The following TTLL5 variants were observed in gnomAD, a reference collection of about 807,000 sequenced individuals.
The protein encoded by TTLL5 is tubulin polyglutamylase TTLL5.
Under a neutral mutation model 168.4 loss-of-function variants are expected in TTLL5, and 132 were observed. That is an observed-to-expected ratio of 0.78 (90% CI 0.68 to 0.91). The LOEUF (loss-of-function observed/expected upper bound fraction) is 0.91, where lower values mean the gene tolerates loss of function less well. Ranked by LOEUF, TTLL5 falls within the 40% of genes least tolerant of loss-of-function variation. The pLI, the probability that TTLL5 is intolerant of heterozygous loss-of-function variation, is 0.00. For missense variants in TTLL5, 1,545 were observed against 1,581.5 expected (o/e 0.98, Z 0.39); for synonymous variants, 546 against 558.6 (o/e 0.98, Z 0.32).
rs1293262190 is a variant in TTLL5 at position 75,668,054 on chromosome 14, C to T, written c.75-1362C>T. Among the ~76,000 whole-genome samples, 4 of 151,974 alleles carry T rather than the reference C, an allele frequency of 2.6e-5. No individual in the cohort carries two copies. The East Asian group carries it at 5.8e-4, about 22-fold the overall frequency. On this transcript the variant is annotated intron_variant, in intron 2 of 31. Transcript: ENST00000298832. ...GATTACAGGCGTGAGCCACCGTGTC[C>T]GGCCCGAGTGTGGATCTTTTTAAAG...
intron 30 of TTLL5, among the ~76,000 whole-genome samples, chr14:75,897,039 A>G (rs527999506): frequency 6.6e-6 from 1 of 152,346 alleles, no homozygotes; most frequent in African/African-American, 2.4e-5. Context: ...TAATATCCCT[A>G]TAAGATGAAA....
intron 18 of TTLL5, 111 bp downstream of exon 18, chr14:75,753,066 G>A: frequency 1.9e-6 from 2 of 1,025,838 alleles, no homozygotes; most frequent in Admixed American, 4.7e-5. Context: ...ATCTCTGCTA[G>A]AAAAAAAAGT....
chr14:75,743,086 T>A (rs1889372345), intron 15 of TTLL5, among the ~76,000 whole-genome samples: 1 of 152,216 alleles, frequency 6.6e-6, no homozygotes, highest in Non-Finnish European at 1.5e-5. Context: ...CTTGATTGAC[T>A]TCATGCCAAG....
At position 75,812,131 on chromosome 14, in the gene TTLL5, G is replaced by A. The variant is rs115118321; in HGVS notation, c.3172-7876G>A. 7.4e-3 allele frequency among the ~76,000 whole-genome samples: 1,127 copies of A among 152,240 alleles called. 17 individuals carry two copies. Among genetic ancestry groups the A allele is most frequent in the African/African-American group, 0.026 (1,063 of 41,544 alleles). On this transcript the variant is annotated intron_variant, in intron 27 of 31. Transcript: ENST00000298832. ...AGTGATTTGGTACTAAAGGAAAAACGCACTGAGGTCACCGTGGCAATGGAC... is the reference window on the plus strand; with the variant it reads ...AGTGATTTGGTACTAAAGGAAAAACACACTGAGGTCACCGTGGCAATGGAC...
chr14:75,816,974 A>ATTTTTTTTTTTTTTTTTTTTTTTTTTT (rs35736530), intron 27 of TTLL5, among the ~76,000 whole-genome samples: 3 of 96,086 alleles, frequency 3.1e-5, no homozygotes, highest in African/African-American at 4.2e-5. Flanking sequence ...TCCCTGTCTT[A>ATTTTTTTTTTTTTTTTTTTTTTTTTTT]TTTTTTTTTT....
At chr14:75,750,358 T>C (rs1363678882) in intron 17 of TTLL5, among the ~76,000 whole-genome samples, 2 of 151,716 alleles carry the variant, frequency 1.3e-5, no homozygotes, top group Non-Finnish European at 2.9e-5. Flanking sequence ...CAAGAGCCCC[T>C]GTGGATGCCT....
At chr14:75,828,174 A>G (rs1895338715) in intron 28 of TTLL5, among the ~76,000 whole-genome samples, 1 of 152,158 alleles carries the variant, frequency 6.6e-6, no homozygotes, top group Non-Finnish European at 1.5e-5. Flanking sequence ...AGGTTAGTAA[A>G]TTGGATGTAC....
chr14:75,875,325 C>T (rs1402732100), intron 29 of TTLL5, among the ~76,000 whole-genome samples: 3 of 149,770 alleles, frequency 2.0e-5, no homozygotes, highest in African/African-American at 4.9e-5. Context: ...AGACAGATCA[C>T]GAGGTCAGGA....
chr14:75,902,659 G>A, intron 31 of TTLL5: 1 of 457,060 alleles, frequency 2.2e-6, no homozygotes, highest in South Asian at 1.6e-5. Flanking sequence ...TGCAGAGCTG[G>A]AGCTCTGGTC....
At chr14:75,765,930 T>A in intron 19 of TTLL5, 132 bp from the exon 20 acceptor site, 1 of 638,248 alleles carries the variant, frequency 1.6e-6, no homozygotes, top group East Asian at 2.7e-5. Context: ...GACATGTGGG[T>A]GCTATTAATT....
chr14:75,692,678 C>T (rs1208731035), intron 6 of TTLL5, among the ~76,000 whole-genome samples: 2 of 152,060 alleles, frequency 1.3e-5, no homozygotes, highest in Non-Finnish European at 2.9e-5. Context: ...ACATTACTGC[C>T]TGTGTATGGG....
intron 15 of TTLL5, among the ~76,000 whole-genome samples, chr14:75,741,541 T>TA (rs1446541541): frequency 4.6e-5 from 7 of 151,520 alleles, no homozygotes; most frequent in Non-Finnish European, 7.4e-5. Context: ...TTTTTTTTTT[T>TA]AACTTTGCTT....
intron 3 of TTLL5, among the ~76,000 whole-genome samples, chr14:75,677,857 G>C (rs1242937156): frequency 6.6e-5 from 10 of 150,860 alleles, no homozygotes; most frequent in African/African-American, 2.2e-4. Flanking sequence ...ATCTTGAACT[G>C]CTGGTCTCAA....
chr14:75,709,057 G>A (rs981768340), intron 9 of TTLL5: 2 of 649,562 alleles, frequency 3.1e-6, no homozygotes, highest in African/African-American at 3.6e-5. Context: ...GCTGTATGCA[G>A]CCTGTGGGCC....
chr14:75,781,578 G>T (rs751309293), intron 24 of TTLL5, among the ~76,000 whole-genome samples: 7 of 152,110 alleles, frequency 4.6e-5, no homozygotes, highest in Non-Finnish European at 1.0e-4. Flanking sequence ...AAATTCTGTA[G>T]TGGAAAAAAT....
At chr14:75,840,842 G>T (rs770802390) in intron 28 of TTLL5, among the ~76,000 whole-genome samples, 1 of 152,070 alleles carries the variant, frequency 6.6e-6, no homozygotes, top group Non-Finnish European at 1.5e-5. Flanking sequence ...TTGCTATAAA[G>T]AAATACCTGA....
At chr14:75,724,019 T>TG (rs1396078850) in intron 12 of TTLL5, among the ~76,000 whole-genome samples, 1 of 151,992 alleles carries the variant, frequency 6.6e-6, no homozygotes, top group African/African-American at 2.4e-5. Context: ...GCTAGTTGTT[T>TG]TTTTTTTTTT....
In TTLL5 at chr14:75,827,416, T is replaced by G. The variant is rs77321579; in HGVS notation, c.3326+7255T>G. Reference sequence around the variant, plus strand: ...TAAAATGCTCGTAAAGAAAGATAATTAGGAAAAGCCAAATTTTAAATGTTT... The same window carrying G: ...TAAAATGCTCGTAAAGAAAGATAATGAGGAAAAGCCAAATTTTAAATGTTT... On this transcript the variant is annotated intron_variant, in intron 28 of 31. Transcript: ENST00000298832. 7.7e-3 allele frequency among the ~76,000 whole-genome samples: 1,179 copies of G among 152,220 alleles called. 15 individuals are homozygous for G. Among genetic ancestry groups the G allele is most frequent in the African/African-American group, 0.027 (1,116 of 41,514 alleles).
At chr14:75,902,436 T>C in intron 31 of TTLL5, 1 of 683,486 alleles carries the variant, frequency 1.5e-6, no homozygotes, top group Non-Finnish European at 2.7e-6. Flanking sequence ...TAGCTTGGGG[T>C]AAATGAAACC....
Sources: gnomAD v4.1 joint callset for allele counts (sites outside exome capture counted in the v4.1 genomes callset) on GRCh38, gnomAD v4.1.1 for gene constraint, MANE v1.5 for transcripts, NCBI Gene and HGNC (gene_info 2026-07-23, HGNC 2026-07-21) for gene names.